Variants in SMARCD2 observed in about 807,000 individuals in gnomAD.
SMARCD2 encodes the protein SWI/SNF-related matrix-associated actin-dependent regulator of chromatin subfamily D member 2.
SMARCD2 carries 39 observed loss-of-function variants against 70.4 expected under a neutral mutation model. That is an observed-to-expected ratio of 0.55 (90% CI 0.43 to 0.72). The LOEUF (loss-of-function observed/expected upper bound fraction) is 0.72. Ranked by LOEUF, SMARCD2 falls within the 30% of genes least tolerant of loss-of-function variation. SMARCD2 has a pLI of 0.00. For synonymous variants in SMARCD2, 249 were observed against 279.4 expected, an observed-to-expected ratio of 0.89 and a Z score of 1.08; for missense variants, 540 against 713.4, an observed-to-expected ratio of 0.76 and a Z score of 2.77.
At position 63,837,332 on chromosome 17, in the gene SMARCD2, A is replaced by G; in HGVS notation, c.402-95T>C. ...TCCAGTCTCCAGGACCCTCTCCCCC[A>G]GGAGAGCCTGGAGTCATCCTCAGTC... On this transcript the variant is annotated intron_variant, in intron 2 of 12. Transcript: ENST00000448276. The surrounding 1 kb of genome is among the most constrained non-coding windows in gnomAD (Gnocchi z 6.4). 5 of 1,514,380 alleles carry G rather than the reference A, an allele frequency of 3.3e-6. No homozygotes were observed. In the South Asian group the frequency reaches 5.6e-5, roughly 17 times the overall value. The allele number at this position is 1,514,380 out of a possible 1,614,324, so 93.8% of individuals were successfully genotyped here.
chr17:63,842,581 C>A lies in SMARCD2; in HGVS notation c.94G>T (p.Ala32Ser). Residue 32 changes from alanine (A) to serine (S), a missense_variant, in exon 1 of 13, where the codon GCG becomes TCG. Ala to Ser is a moderately conservative substitution (Grantham distance 99, BLOSUM62 1). Transcript: ENST00000448276. Reference protein sequence around the residue: ...AAALGAPPPPAGPGMLPGPAL... With the variant: ...AAALGAPPPPSGPGMLPGPAL... ...GGTCCGGGCAGCATGCCGGGTCCCG[C>A]GGGGGGAGGCGGCGCTCCCAGGGCC... 1 of 1,207,754 alleles carries A rather than the reference C, an allele frequency of 8.3e-7. No individual in the cohort carries two copies. Among genetic ancestry groups the A allele is most frequent in the Non-Finnish European group, 1.0e-6 (1 of 972,802 alleles). 74.8% of individuals were successfully genotyped at this position (1,207,754 alleles called of 1,614,324 possible). A position where few individuals can be genotyped will look rare whatever the true frequency, so the allele number is the denominator to read the frequency against.
In SMARCD2 at chr17:63,837,042, G is replaced by A. The variant is rs1484497967; in HGVS notation, c.447C>T (p.Ile149=). 4 of 1,613,268 alleles carry A rather than the reference G, an allele frequency of 2.5e-6. No homozygotes were observed. The Admixed American group carries it at 5.0e-5, about 20-fold the overall frequency. The change falls in exon 4 of 13, where the codon ATC becomes ATT. Residue 149 remains isoleucine (I), a splice_region_variant and synonymous_variant. Coordinates refer to ENST00000448276, the MANE Select transcript of SMARCD2 (RefSeq NM_001098426.2). This position sits in a 1 kb window ranked among gnomAD's most constrained non-coding sequence, Gnocchi z 6.4. ...CCTGAGACTCTGGAACAAGCTCCCG[G>A]ATCTGAAGGAAGGTAGCAGAAGCTC... ...KMADKVLPQR[I]RELVPESQAY... is the part of the protein sequence containing the mutation.
In SMARCD2 at chr17:63,842,637, G is replaced by T; in HGVS notation, c.38C>A (p.Pro13Gln). 1 of 1,257,268 alleles carries T rather than the reference G, an allele frequency of 8.0e-7. No homozygotes were observed. The highest frequency in any genetic ancestry group is 3.0e-5 in the South Asian group (1 of 33,230). 77.9% of individuals were successfully genotyped at this position (1,257,268 alleles called of 1,614,324 possible). The change falls in exon 1 of 13, where the codon CCG (proline) becomes CAG (glutamine). Residue 13 changes from proline to glutamine, a missense_variant. Physicochemically the swap from Pro to Gln is moderately conservative, Grantham distance 76. Transcript: ENST00000448276. ...GRGAGGFPLP[P>Q]LSPGGGAVAA... ...CACGGCGCCGCCGCCAGGGCTTAGCGGGGGCAGCGGGAACCCGCCCGCGCC... is the reference window on the plus strand; with the variant it reads ...CACGGCGCCGCCGCCAGGGCTTAGCTGGGGCAGCGGGAACCCGCCCGCGCC...
chr17:63,842,386 G>T, intron 1 of SMARCD2, 73 bp downstream of exon 1: 1 of 1,259,852 alleles, frequency 7.9e-7, no homozygotes, highest in Admixed American at 4.3e-5. Flanking sequence ...CTCACTCGAG[G>T]CCCCTTCAGC....
At position 63,832,411 on chromosome 17, in the gene SMARCD2, A is replaced by C. The variant is rs1035923644; in HGVS notation, c.*527T>G. 3.9e-5 allele frequency: 8 copies of C among 206,086 alleles called. No individual in the cohort carries two copies. Among genetic ancestry groups the C allele is most frequent in the Non-Finnish European group, 6.9e-5 (7 of 101,634 alleles). The allele number at this position is 206,086 out of a possible 1,614,324, so 12.8% of individuals were successfully genotyped here. A position where few individuals can be genotyped will look rare whatever the true frequency, so the allele number is the denominator to read the frequency against. On this transcript the variant is annotated 3_prime_UTR_variant, in exon 13 of 13. Transcript: ENST00000448276. ...CTGAAAACCCCCAACTTACCCCTGT[A>C]CAAAAAAAGTGGCTCCCACATAGAA...
At chr17:63,838,506 G>T in intron 1 of SMARCD2, 1 of 1,054,394 alleles carries the variant, frequency 9.5e-7, no homozygotes, top group Non-Finnish European at 1.3e-6. Flanking sequence ...CTGGAGAAGG[G>T]GGCTAAGATT....
At chr17:63,838,648 T>C in intron 1 of SMARCD2, 1 of 1,494,142 alleles carries the variant, frequency 6.7e-7, no homozygotes, top group Non-Finnish European at 8.9e-7. Context: ...GGAGCCCATC[T>C]GGGAGTCACC....
Position 63,835,914 on chromosome 17 carries a change from A to C in SMARCD2, c.568-347T>G, listed in dbSNP as rs375169532. The stretch of plus-strand genomic sequence containing the variant: ...CAGCTAATTTTTTGTGTTTTTGTAA[A>C]GATGGTATTTCAACATGTTGGCCAT... On this transcript the variant is annotated intron_variant, in intron 4 of 12. Transcript: ENST00000448276. Among the ~76,000 whole-genome samples the C allele has an allele frequency of 3.3e-5, 5 of 152,180 alleles. No homozygotes were observed. The East Asian group carries it at 9.7e-4, about 30-fold the overall frequency.
rs1463874350 is a variant in SMARCD2, at chr17:63,837,872, A to T, written c.217-247T>A. Among the ~76,000 whole-genome samples the T allele has an allele frequency of 6.6e-6, 1 of 152,092 alleles. No homozygotes were observed. The highest frequency in any genetic ancestry group is 1.5e-5 in the Non-Finnish European group (1 of 67,996). ...GAGGCCTGCCAGAACCTGGGCTGGGAGGAGGGTCCTGCCTGCAGAGGGAAG... is the reference window on the plus strand; with the variant it reads ...GAGGCCTGCCAGAACCTGGGCTGGGTGGAGGGTCCTGCCTGCAGAGGGAAG... On this transcript the variant is annotated intron_variant, in intron 1 of 12. Transcript: ENST00000448276. This position sits in a 1 kb window ranked among gnomAD's most constrained non-coding sequence, Gnocchi z 6.4.
Position 63,835,164 on chromosome 17 carries a change from C to A in SMARCD2, c.723+248G>T. On this transcript the variant is annotated intron_variant, in intron 5 of 12. Transcript: ENST00000448276. ...TCTGAGACACAATCTCACTCTGTCACCCAGGCTGAAGTGCAGTGGTGTGAT... is the reference window on the plus strand; with the variant it reads ...TCTGAGACACAATCTCACTCTGTCAACCAGGCTGAAGTGCAGTGGTGTGAT... 6 of 544,622 alleles carry A rather than the reference C, an allele frequency of 1.1e-5. No individual in the cohort carries two copies. The South Asian group carries it at 1.2e-4, about 11-fold the overall frequency. The allele number at this position is 544,622 out of a possible 1,614,324, so 33.7% of individuals were successfully genotyped here.
rs919580294 is a variant in SMARCD2 at position 63,832,269 on chromosome 17, C to A, written c.*669G>T. ...AGGCCATGCTAGAGAACTGGAGTGTCCCCTCCCCGGCCCAAGCCGCTGGAG... is the reference window on the plus strand; with the variant it reads ...AGGCCATGCTAGAGAACTGGAGTGTACCCTCCCCGGCCCAAGCCGCTGGAG... On this transcript the variant is annotated 3_prime_UTR_variant, in exon 13 of 13. Coordinates refer to ENST00000448276, the MANE Select transcript of SMARCD2 (RefSeq NM_001098426.2). The A allele has an allele frequency of 2.4e-6, 1 of 424,092 alleles. No individual in the cohort carries two copies. Among genetic ancestry groups the A allele is most frequent in the East Asian group, 4.4e-5 (1 of 22,930 alleles). 26.3% of individuals were successfully genotyped at this position (424,092 alleles called of 1,614,324 possible).
intron 1 of SMARCD2, among the ~76,000 whole-genome samples, chr17:63,841,002 T>C (rs1043454850): frequency 4.6e-5 from 7 of 152,192 alleles, no homozygotes; most frequent in Non-Finnish European, 1.0e-4. Flanking sequence ...CTGGAGCGGC[T>C]TGTCTGTTCC....
In SMARCD2 at chr17:63,837,445, G is replaced by T. The variant is rs759507599; in HGVS notation, c.397C>A (p.Arg133=). Reference sequence around the variant, plus strand: ...AGAGAAGCAGGATGCTCTTACCCCCGGCGCTGGGCAGGCATGGGAGGCTGC... The same window carrying T: ...AGAGAAGCAGGATGCTCTTACCCCCTGCGCTGGGCAGGCATGGGAGGCTGC... ...QAQPPMPAQR[R]GLKRRKMADK... is the part of the protein sequence containing the mutation. The change falls in exon 2 of 13, where the codon CGG becomes AGG. Residue 133 remains arginine (R), a synonymous_variant. Transcript: ENST00000448276. The surrounding 1 kb of genome is among the most constrained non-coding windows in gnomAD (Gnocchi z 6.4). The T allele has an allele frequency of 1.3e-6, 2 of 1,572,552 alleles. No homozygotes were observed. Among genetic ancestry groups the T allele is most frequent in the East Asian group, 4.5e-5 (2 of 44,482 alleles).
Position 63,833,792 on chromosome 17 carries a change from G to A in SMARCD2, c.1182-70C>T. 6.3e-7 allele frequency: 1 copy of A among 1,599,554 alleles called. No individual in the cohort carries two copies. The highest frequency in any genetic ancestry group is 8.6e-7 in the Non-Finnish European group (1 of 1,167,442). On this transcript the variant is annotated intron_variant, in intron 9 of 12. Transcript: ENST00000448276. This position sits in a 1 kb window ranked among gnomAD's most constrained non-coding sequence, Gnocchi z 4.3. ...CCTGCCCACCTGGGCCAAATCTGGG[G>A]CCCATTCTCTGCACACACTCAGGGA...
At chr17:63,841,331 G>C (rs1904453638) in intron 1 of SMARCD2, among the ~76,000 whole-genome samples, 1 of 152,254 alleles carries the variant, frequency 6.6e-6, no homozygotes, top group Non-Finnish European at 1.5e-5. Context: ...GGTAGGCTGT[G>C]TATACTCCAC....
At chr17:63,840,032 A>C (rs1904393500) in intron 1 of SMARCD2, among the ~76,000 whole-genome samples, 1 of 151,924 alleles carries the variant, frequency 6.6e-6, no homozygotes, top group African/African-American at 2.4e-5. Flanking sequence ...AGGAGGCTTG[A>C]GGCAGAGGAT....
chr17:63,833,116 G>A lies in SMARCD2; in HGVS notation c.1495C>T (p.His499Tyr). Reference sequence around the variant, plus strand: ...ACTGCTTCCTGGGCCCAGGGCTGGTGGTAGAAAGCAGCTCGTCTCTCCTCC... The same window carrying A: ...ACTGCTTCCTGGGCCCAGGGCTGGTAGTAGAAAGCAGCTCGTCTCTCCTCC... ...PEEERRAAFY[H>Y]QPWAQEAVGR... Residue 499 changes from histidine (H) to tyrosine (Y), a missense_variant, in exon 12 of 13, where the codon CAC (histidine) becomes TAC (tyrosine). Coordinates refer to ENST00000448276, the MANE Select transcript of SMARCD2 (RefSeq NM_001098426.2). The surrounding 1 kb of genome is among the most constrained non-coding windows in gnomAD (Gnocchi z 4.3). 3 of 1,606,308 alleles carry A rather than the reference G, an allele frequency of 1.9e-6. No homozygotes were observed. The highest frequency in any genetic ancestry group is 2.2e-5 in the South Asian group (2 of 89,554).
chr17:63,836,097 G>A (rs1382602267), intron 4 of SMARCD2, among the ~76,000 whole-genome samples: 1 of 152,036 alleles, frequency 6.6e-6, no homozygotes, highest in Non-Finnish European at 1.5e-5. Flanking sequence ...CTGGTGCTAC[G>A]GCATGATGGA....
chr17:63,838,974 T>C, intron 1 of SMARCD2: 1 of 984,926 alleles, frequency 1.0e-6, no homozygotes, highest in Non-Finnish European at 1.2e-6. Context: ...GACGTGAGGA[T>C]GGGGAGAGGA....
Sources: gnomAD v4.1 joint callset for allele counts (sites outside exome capture counted in the v4.1 genomes callset) on GRCh38, gnomAD v4.1.1 for gene constraint, Gnocchi (gnomAD v3.1) non-coding constraint, MANE v1.5 for transcripts, NCBI Gene and HGNC (gene_info 2026-07-23, HGNC 2026-07-21) for gene names.